PKP2: variants seen among roughly 807,000 people sequenced by gnomAD.
PKP2 encodes plakophilin 2.
A neutral mutation model predicts 83.4 loss-of-function variants in PKP2; 73 were observed. The observed-to-expected ratio is 0.88, with a 90% CI of 0.72 to 1.06. PKP2 has a LOEUF of 1.06. Ranked by LOEUF, PKP2 falls within the 50% of genes least tolerant of loss-of-function variation. PKP2 has a pLI of 0.00. For missense variants in PKP2, 966 were observed against 1,065.4 expected (o/e 0.91, Z 1.30); for synonymous variants, 409 against 430.4 (o/e 0.95, Z 0.62).
intron 6 of PKP2, among the ~76,000 whole-genome samples, chr12:32,828,928 A>ATT (rs11316792): frequency 2.0e-5 from 3 of 151,408 alleles, no homozygotes; most frequent in Non-Finnish European, 4.4e-5. Context: ...GGAGGCAGAA[A>ATT]TTTTTTTTTG....
chr12:32,823,401 G>GATGAAGCT (rs1447770195), intron 7 of PKP2, among the ~76,000 whole-genome samples: 1 of 128,364 alleles, frequency 7.8e-6, no homozygotes, highest in Non-Finnish European at 1.6e-5. Context: ...TGGGCTGGGT[G>GATGAAGCT]ATGAAGCTAG....
chr12:32,892,824 G>A (rs1318423908), intron 1 of PKP2, among the ~76,000 whole-genome samples: 3 of 113,486 alleles, frequency 2.6e-5, no homozygotes, highest in Non-Finnish European at 3.8e-5. Flanking sequence ...GGGGCGGGGG[G>A]GGGGGGAGAA....
At chr12:32,886,412 T>C (rs1441830121) in intron 1 of PKP2, among the ~76,000 whole-genome samples, 3 of 152,202 alleles carry the variant, frequency 2.0e-5, no homozygotes, top group Non-Finnish European at 4.4e-5. Flanking sequence ...AGTCATTTAC[T>C]AGCAATAGTA....
chr12:32,858,145 T>A lies in PKP2; in HGVS notation c.1171-7172A>T, dbSNP rs1565592810. ...TATATATTTTATATTTATATATATA[T>A]ATATATAAATATATATAAAAGCCAG... On this transcript the variant is annotated intron_variant, in intron 4 of 12. Coordinates refer to ENST00000340811, the MANE Select transcript of PKP2 (RefSeq NM_001005242.3). 8.3e-4 allele frequency among the ~76,000 whole-genome samples: 89 copies of A among 107,868 alleles called. 3 individuals carry two copies. The highest frequency in any genetic ancestry group is 2.7e-3 in the African/African-American group (85 of 31,238). 70.8% of individuals were successfully genotyped at this position (107,868 alleles called of 152,430 possible).
At position 32,792,686 on chromosome 12, in the gene PKP2, A is replaced by C; in HGVS notation, c.2403T>G (p.Tyr801Ter). 1 of 1,614,174 alleles carries C rather than the reference A, an allele frequency of 6.2e-7. No homozygotes were observed. Among genetic ancestry groups the C allele is most frequent in the African/African-American group, 1.3e-5 (1 of 75,036 alleles). The change falls in exon 12 of 13, where the codon TAT becomes TAG. Residue 801 changes from tyrosine to a stop codon, truncating the protein, a stop_gained. Transcript: ENST00000340811. LOFTEE classifies it high-confidence loss of function. Reference protein sequence around the residue: ...KASKAASVLLYSLWAHTELHH... With the variant: ...KASKAASVLL ...GCAGTTCCGTGTGTGCCCACAGAGA[A>C]TACAGAAGGACGGAAGCAGCTTTAC...
At chr12:32,892,830 G>A (rs1340226118) in intron 1 of PKP2, among the ~76,000 whole-genome samples, 1 of 126,872 alleles carries the variant, frequency 7.9e-6, no homozygotes, top group African/African-American at 2.8e-5. Flanking sequence ...GGGGGGGGGG[G>A]AGAACTGTGT....
intron 6 of PKP2, among the ~76,000 whole-genome samples, chr12:32,829,156 C>T (rs560214575): frequency 1.7e-3 from 260 of 151,856 alleles, no homozygotes; most frequent in Middle Eastern, 6.9e-3. Flanking sequence ...TTGAACTCTT[C>T]GCCTCATGTG....
rs201208172 is a variant in PKP2 at position 32,879,287 on chromosome 12, C to A, written c.224-255G>T. ...GTGGCGCACGCCTCTTATCCCAGCA[C>A]TCTGGGAGGCAGAGGCAGGTGGATC... is the stretch of plus-strand genomic sequence containing the variant. On this transcript the variant is annotated intron_variant, in intron 1 of 12. Coordinates refer to ENST00000340811, the MANE Select transcript of PKP2 (RefSeq NM_001005242.3). Among the ~76,000 whole-genome samples, 12 of 152,334 alleles carry A rather than the reference C, an allele frequency of 7.9e-5. No individual in the cohort carries two copies. The East Asian group carries it at 2.3e-3, about 29-fold the overall frequency.
At chr12:32,877,229 T>C (rs1159554624) in intron 3 of PKP2, among the ~76,000 whole-genome samples, 1 of 152,200 alleles carries the variant, frequency 6.6e-6, no homozygotes, top group Non-Finnish European at 1.5e-5. Context: ...AAGGGTTAAG[T>C]TCCAAACACT....
intron 8 of PKP2, 53 bp downstream of exon 8, chr12:32,822,414 C>A: frequency 6.8e-7 from 1 of 1,464,314 alleles, no homozygotes; most frequent in Non-Finnish European, 9.5e-7. Flanking sequence ...CACAAACACA[C>A]ACTCTCTCTC....
In PKP2 at chr12:32,877,909, G is replaced by A. The variant is rs529523595; in HGVS notation, c.971C>T (p.Ala324Val). 17 of 1,614,102 alleles carry A rather than the reference G, an allele frequency of 1.1e-5. No homozygotes were observed. Among genetic ancestry groups the A allele is most frequent in the South Asian group, 5.5e-5 (5 of 91,084 alleles). The change falls in exon 3 of 13, where the codon GCG becomes GTG. Residue 324 changes from alanine (A) to valine (V), a missense_variant. Physicochemically the swap from Ala to Val is moderately conservative, Grantham distance 64. Coordinates refer to ENST00000340811, the MANE Select transcript of PKP2 (RefSeq NM_001005242.3). ...CAGATTCCCACTTCCCCCTGCGGCC[G>A]CCTGGCCGACAGTCAAGTGCGCTCT... ...GRRAHLTVGQ[A>V]AAGGSGNLLT...
chr12:32,893,527 T>G (rs1957093356), intron 1 of PKP2: 1 of 152,230 alleles, frequency 6.6e-6, no homozygotes, highest in African/African-American at 2.4e-5. Context: ...TGAAGCTGAT[T>G]TCCTTTTTGA....
chr12:32,872,326 A>AGT (rs982986724), intron 3 of PKP2, among the ~76,000 whole-genome samples: 28 of 152,218 alleles, frequency 1.8e-4, no homozygotes, highest in African/African-American at 6.7e-4. Context: ...TGAGGTCAGG[A>AGT]GTTTAAGGCC....
chr12:32,851,277 A>C (rs1279580252), intron 4 of PKP2, among the ~76,000 whole-genome samples: 2 of 152,208 alleles, frequency 1.3e-5, no homozygotes, highest in Non-Finnish European at 2.9e-5. Context: ...AAAAGCTTGG[A>C]GCATAATAAA....
Position 32,855,773 on chromosome 12 carries a change from C to CAA in PKP2, c.1171-4802_1171-4801dup, listed in dbSNP as rs11431590. 7.5e-3 allele frequency among the ~76,000 whole-genome samples: 346 copies of CAA among 45,836 alleles called. 6 individuals are homozygous for CAA. The highest frequency in any genetic ancestry group is 0.015 in the East Asian group (27 of 1,850). The allele number at this position is 45,836 out of a possible 152,430, so 30.1% of individuals were successfully genotyped here. A position where few individuals can be genotyped will look rare whatever the true frequency, so the allele number is the denominator to read the frequency against. On this transcript the variant is annotated intron_variant, in intron 4 of 12. Transcript: ENST00000340811. ...CCTGGGCGACAGAGAGACTCCATCTCAAAAAAAAAAAAAAAAAAAAAAGGA... is the reference window on the plus strand; with the variant it reads ...CCTGGGCGACAGAGAGACTCCATCTCAAAAAAAAAAAAAAAAAAAAAAAAGGA...
At chr12:32,893,201 G>A (rs1202603922) in intron 1 of PKP2, 1 of 152,194 alleles carries the variant, frequency 6.6e-6, no homozygotes. Context: ...GCTTTCAGCA[G>A]GTTATCCGCT....
chr12:32,890,967 A>AT (rs1242068399), intron 1 of PKP2, among the ~76,000 whole-genome samples: 3 of 151,704 alleles, frequency 2.0e-5, no homozygotes, highest in East Asian at 1.9e-4. Context: ...AAAAAAAAAA[A>AT]AGAAAAGAAA....
At chr12:32,877,470 T>C (rs1183250240) in intron 3 of PKP2, among the ~76,000 whole-genome samples, 2 of 152,216 alleles carry the variant, frequency 1.3e-5, no homozygotes, top group African/African-American at 4.8e-5. Flanking sequence ...AGAATAAGCA[T>C]TTTTTCCTTT....
At position 32,896,719 on chromosome 12, in the gene PKP2, C is replaced by T. The variant is rs1957129337; in HGVS notation, c.13G>A (p.Gly5Ser). MAAP[G>S]APAEYGYIRT... is the part of the protein sequence containing the mutation. ...ATGTAGCCGTACTCAGCTGGGGCGC[C>T]GGGGGCTGCCATGGGGCCGGTGGGG... Residue 5 changes from glycine to serine, a missense_variant, in exon 1 of 13, where the codon GGC becomes AGC. Transcript: ENST00000340811. The T allele has an allele frequency of 6.8e-7, 1 of 1,465,616 alleles. No homozygotes were observed. Among genetic ancestry groups the T allele is most frequent in the Non-Finnish European group, 9.0e-7 (1 of 1,110,644 alleles). The allele number at this position is 1,465,616 out of a possible 1,614,324, so 90.8% of individuals were successfully genotyped here.
Sources: allele counts gnomAD v4.1 joint callset (sites outside exome capture counted in the v4.1 genomes callset), GRCh38; gene constraint gnomAD v4.1.1; transcripts MANE v1.5; gene names NCBI Gene and HGNC (gene_info 2026-07-23, HGNC 2026-07-21).